COL21A1: variants seen among roughly 807,000 people sequenced by gnomAD.
COL21A1 encodes collagen alpha-1(XXI) chain.
Under a neutral mutation model 137.9 loss-of-function variants are expected in COL21A1, and 149 were observed. The ratio of observed to expected loss-of-function variants is 1.08; its 90% confidence interval spans 0.95 to 1.24. COL21A1 has a LOEUF of 1.24. Among genes scored for constraint, COL21A1 ranks in the 50% most tolerant of loss-of-function variants. The pLI is 0.00. For missense variants in COL21A1, 1,167 were observed against 1,158.4 expected (o/e 1.01, Z -0.11); for synonymous variants, 456 against 391.5 (o/e 1.16, Z -1.95).
intron 1 of COL21A1, among the ~76,000 whole-genome samples, chr6:56,297,125 T>C (rs1180950129): frequency 6.6e-6 from 1 of 152,088 alleles, no homozygotes; most frequent in Non-Finnish European, 1.5e-5. Context: ...CATTTTTTAA[T>C]TTTTAAAGGA....
intron 1 of COL21A1, among the ~76,000 whole-genome samples, chr6:56,210,551 A>G (rs1780092771): frequency 6.6e-6 from 1 of 152,200 alleles, no homozygotes; most frequent in Non-Finnish European, 1.5e-5. Context: ...AAGATTAGAG[A>G]GAAAATTTAT....
intron 1 of COL21A1, among the ~76,000 whole-genome samples, chr6:56,272,858 G>A (rs1763560314): frequency 6.6e-6 from 1 of 152,132 alleles, no homozygotes; most frequent in African/African-American, 2.4e-5. Context: ...GGCTCCCCAA[G>A]CCATATGGAA....
chr6:56,291,990 G>A (rs754978458), intron 1 of COL21A1, among the ~76,000 whole-genome samples: 12 of 152,070 alleles, frequency 7.9e-5, no homozygotes, highest in Non-Finnish European at 1.3e-4. Flanking sequence ...CCAACGTAGT[G>A]AAACCCTGTC....
rs182326637 is a variant in COL21A1 at position 56,321,424 on chromosome 6, T to C, written c.-39+72547A>G. On this transcript the variant is annotated intron_variant, in intron 1 of 28. Coordinates refer to the COL21A1 transcript ENST00000370819. ...TTGCATTGGCATTTGCCATTTGATA[T>C]TGGAATACATTCTTAAATAAATGTG... Among the ~76,000 whole-genome samples, 8 of 152,330 alleles carry C rather than the reference T, an allele frequency of 5.3e-5. No homozygotes were observed. In the East Asian group the frequency reaches 1.2e-3, roughly 22 times the overall value.
chr6:56,316,476 A>G (rs1007131512), intron 1 of COL21A1, among the ~76,000 whole-genome samples: 23 of 30,358 alleles, frequency 7.6e-4, no homozygotes, highest in African/African-American at 1.8e-3. Context: ...TTCTAAATAG[A>G]CTTTTTTTTT....
At chr6:56,291,995 CCT>C (rs1764057787) in intron 1 of COL21A1, among the ~76,000 whole-genome samples, 1 of 151,954 alleles carries the variant, frequency 6.6e-6, no homozygotes, top group Non-Finnish European at 1.5e-5. Flanking sequence ...GTAGTGAAAC[CCT>C]GTCTCTGCTA....
At chr6:56,369,513 G>C (rs1196905561) in intron 1 of COL21A1, among the ~76,000 whole-genome samples, 1 of 151,514 alleles carries the variant, frequency 6.6e-6, no homozygotes, top group East Asian at 1.9e-4. Flanking sequence ...AAAAAATAAA[G>C]AAAAAAAACT....
intron 16 of COL21A1, among the ~76,000 whole-genome samples, chr6:56,113,535 C>A (rs954090788): frequency 1.3e-5 from 2 of 152,050 alleles, no homozygotes; most frequent in African/African-American, 4.8e-5. Flanking sequence ...AACTGAAGAG[C>A]CCTTGGGCCC....
intron 1 of COL21A1, among the ~76,000 whole-genome samples, chr6:56,212,586 A>G (rs1464843103): frequency 6.6e-6 from 1 of 152,084 alleles, no homozygotes; most frequent in Non-Finnish European, 1.5e-5. Context: ...CATGAAAAAC[A>G]AAAGTGCTTA....
At chr6:56,200,175 A>T (rs1779288475) in intron 1 of COL21A1, among the ~76,000 whole-genome samples, 1 of 152,200 alleles carries the variant, frequency 6.6e-6, no homozygotes, top group Non-Finnish European at 1.5e-5. Context: ...ATGTGGGAGC[A>T]AGACGAAGAA....
chr6:56,310,913 T>A (rs2152339512), intron 1 of COL21A1, among the ~76,000 whole-genome samples: 1 of 152,316 alleles, frequency 6.6e-6, no homozygotes, highest in African/African-American at 2.4e-5. Flanking sequence ...TATTTGACTA[T>A]TTGACCCATA....
intron 1 of COL21A1, among the ~76,000 whole-genome samples, chr6:56,212,215 T>C (rs1045368300): frequency 1.3e-5 from 2 of 152,102 alleles, no homozygotes; most frequent in African/African-American, 4.8e-5. Flanking sequence ...TTGTACTCTC[T>C]AATTAGGTTC....
intron 6 of COL21A1, among the ~76,000 whole-genome samples, chr6:56,167,480 GA>G (rs1776683841): frequency 1.3e-5 from 2 of 152,136 alleles, no homozygotes; most frequent in African/African-American, 2.4e-5. Context: ...TTAATTCATA[GA>G]GACCACATGT....
chr6:56,293,232 A>C (rs1764093641), intron 1 of COL21A1, among the ~76,000 whole-genome samples: 3 of 152,310 alleles, frequency 2.0e-5, no homozygotes, highest in South Asian at 4.1e-4. Flanking sequence ...AAGTGTCAAT[A>C]ATTTTGATTC....
chr6:56,307,578 A>G (rs949464050), intron 1 of COL21A1, among the ~76,000 whole-genome samples: 22 of 152,208 alleles, frequency 1.4e-4, no homozygotes, highest in Non-Finnish European at 2.6e-4. Flanking sequence ...GGAAAAACAC[A>G]GTATTAGGGT....
chr6:56,106,071 T>C (rs899349405), intron 16 of COL21A1, among the ~76,000 whole-genome samples: 1 of 152,210 alleles, frequency 6.6e-6, no homozygotes. Flanking sequence ...ACTTCCAGCT[T>C]CAACTGGACT....
upstream of COL21A1, among the ~76,000 whole-genome samples, chr6:56,247,911 C>A (rs1782738335): frequency 6.6e-6 from 1 of 152,194 alleles, no homozygotes; most frequent in Non-Finnish European, 1.5e-5. Flanking sequence ...CTGCACTGAT[C>A]GAAGGAGGCC....
chr6:56,310,704 T>C (rs1024457803), intron 1 of COL21A1, among the ~76,000 whole-genome samples: 1 of 152,178 alleles, frequency 6.6e-6, no homozygotes, highest in African/African-American at 2.4e-5. Context: ...TCTGACTAGT[T>C]AAGTAAGTCT....
chr6:56,305,271 C>A (rs1764415006), intron 1 of COL21A1, among the ~76,000 whole-genome samples: 1 of 152,024 alleles, frequency 6.6e-6, no homozygotes, highest in South Asian at 2.1e-4. Flanking sequence ...GAGCTGAGTT[C>A]AATTCCTGCA....
Sources: gnomAD v4.1 joint callset for allele counts (sites outside exome capture counted in the v4.1 genomes callset) on GRCh38, gnomAD v4.1.1 for gene constraint, MANE v1.5 for transcripts, NCBI Gene and HGNC (gene_info 2026-07-23, HGNC 2026-07-21) for gene names.